The following TIAM1 variants were observed in gnomAD, a reference collection of about 807,000 sequenced individuals.
TIAM1 encodes the protein rho guanine nucleotide exchange factor TIAM1.
Under a neutral mutation model 163.5 loss-of-function variants are expected in TIAM1, and 65 were observed. The observed-to-expected ratio is 0.40, with a 90% confidence interval of 0.33 to 0.49. The LOEUF is 0.49. TIAM1 is among the 20% of genes least tolerant of loss of function. The probability of loss-of-function intolerance (pLI) is 0.77; values close to 1 mark genes in which losing one functional copy is unlikely to be tolerated. For synonymous variants in TIAM1, 833 were observed against 810.1 expected, an observed-to-expected ratio of 1.03 and a Z score of -0.48; for missense variants, 1,789 against 2,044.7, an observed-to-expected ratio of 0.87 and a Z score of 2.41.
intron 1 of TIAM1, among the ~76,000 whole-genome samples, chr21:31,513,431 T>A (rs1484088529): frequency 1.3e-5 from 2 of 152,168 alleles, no homozygotes; most frequent in Non-Finnish European, 2.9e-5. Flanking sequence ...TTAAGCGAAC[T>A]TCCTCTTGAG....
At chr21:31,218,474 C>T (rs2087341211) in intron 8 of TIAM1, among the ~76,000 whole-genome samples, 1 of 151,768 alleles carries the variant, frequency 6.6e-6, no homozygotes, top group African/African-American at 2.4e-5. Context: ...GAAGCTGAGA[C>T]AGGAGAATTG....
intron 2 of TIAM1, among the ~76,000 whole-genome samples, chr21:31,399,931 T>C (rs2077136455): frequency 6.6e-6 from 1 of 152,104 alleles, no homozygotes; most frequent in Non-Finnish European, 1.5e-5. Context: ...GACACTTTCA[T>C]TGATTTCTAA....
At chr21:31,289,522 C>T (rs947431053) in intron 2 of TIAM1, among the ~76,000 whole-genome samples, 24 of 152,124 alleles carry the variant, frequency 1.6e-4, no homozygotes, top group African/African-American at 5.8e-4. Flanking sequence ...TGAGCTGGAC[C>T]CCAGAAAAGT....
At chr21:31,222,707 ATTTTTTTTTTTTT>A (rs527864043) in intron 8 of TIAM1, among the ~76,000 whole-genome samples, 29 of 32,886 alleles carry the variant, frequency 8.8e-4, no homozygotes, top group African/African-American at 3.4e-3. Context: ...ATATATATAT[ATTTTTTTTTTTTT>A]TTTTTTTTTT....
chr21:31,494,543 G>A (rs182790478), intron 1 of TIAM1, among the ~76,000 whole-genome samples: 54 of 152,238 alleles, frequency 3.5e-4, no homozygotes, highest in Non-Finnish European at 5.6e-4. Flanking sequence ...AAAAGTCAGC[G>A]TAGAAGACTG....
chr21:31,266,104 G>A lies in TIAM1; in HGVS notation c.869C>T (p.Pro290Leu). 6.2e-7 allele frequency: 1 copy of A among 1,614,214 alleles called. No individual in the cohort carries two copies. The highest frequency in any genetic ancestry group is 8.5e-7 in the Non-Finnish European group (1 of 1,180,046). ...AGAGAGACAGTGAGATTTCCTACAG[G>A]GAAGTGTGTTATAATTACTGTACGG... ...TPPYSNYNTL[P>L]CRKSHCLSEG... Residue 290 changes from proline (P) to leucine (L), a missense_variant, in exon 4 of 28, where the codon CCC (proline) becomes CTC (leucine). Physicochemically the swap from Pro to Leu is moderately conservative, Grantham distance 98. Around this residue, in one of 5 missense-constraint regions of TIAM1, gnomAD observed 555 missense variants for 564.9 expected, o/e 0.98. Coordinates refer to ENST00000541036, the MANE Select transcript of TIAM1 (RefSeq NM_001353694.2).
At chr21:31,296,888 T>C (rs2300350) in intron 2 of TIAM1, among the ~76,000 whole-genome samples, 71,783 of 151,982 alleles carry the variant, frequency 0.47, 17,080 homozygotes, top group Middle Eastern at 0.64. Flanking sequence ...TGGTCTTGAT[T>C]TCCTGACCTC....
At chr21:31,193,807 G>A (rs2085690466) in intron 13 of TIAM1, among the ~76,000 whole-genome samples, 1 of 152,180 alleles carries the variant, frequency 6.6e-6, no homozygotes, top group African/African-American at 2.4e-5. Flanking sequence ...GTGTGAATCG[G>A]GAAAAGCTAG....
intron 20 of TIAM1, among the ~76,000 whole-genome samples, chr21:31,143,201 C>G (rs1270795554): frequency 3.3e-5 from 5 of 152,112 alleles, no homozygotes; most frequent in Non-Finnish European, 1.5e-5. Context: ...TATGATAAAC[C>G]AGTAAATGAA....
intron 2 of TIAM1, among the ~76,000 whole-genome samples, chr21:31,428,474 A>T (rs1181153019): frequency 6.6e-6 from 1 of 152,220 alleles, no homozygotes; most frequent in Non-Finnish European, 1.5e-5. Flanking sequence ...CGAGGTTCAA[A>T]GCCACTAATG....
intron 9 of TIAM1, 113 bp downstream of exon 9, chr21:31,217,440 C>A: frequency 7.0e-7 from 1 of 1,423,470 alleles, no homozygotes; most frequent in Non-Finnish European, 9.6e-7. Context: ...TTTGTGCCAA[C>A]TAGTTGATTT....
At chr21:31,427,872 C>T (rs1045853261) in intron 2 of TIAM1, among the ~76,000 whole-genome samples, 1 of 152,096 alleles carries the variant, frequency 6.6e-6, no homozygotes, top group African/African-American at 2.4e-5. Context: ...AAATTAAAAG[C>T]AGTCTTCTTG....
intron 6 of TIAM1, among the ~76,000 whole-genome samples, chr21:31,232,938 G>A (rs1022876752): frequency 1.3e-5 from 2 of 151,838 alleles, no homozygotes; most frequent in African/African-American, 4.9e-5. Flanking sequence ...AAGGGAATAA[G>A]CAAAGTTCTT....
chr21:31,219,252 G>A (rs2087410533), intron 8 of TIAM1, among the ~76,000 whole-genome samples: 1 of 151,990 alleles, frequency 6.6e-6, no homozygotes, highest in South Asian at 2.1e-4. Flanking sequence ...AAAGTCCCAG[G>A]AATTTAAGGG....
intron 1 of TIAM1, among the ~76,000 whole-genome samples, chr21:31,465,220 C>A (rs1462802830): frequency 6.6e-6 from 1 of 151,704 alleles, no homozygotes; most frequent in Non-Finnish European, 1.5e-5. Flanking sequence ...AAAAATTTTT[C>A]TTTTCAAAGC....
intron 6 of TIAM1, among the ~76,000 whole-genome samples, chr21:31,243,560 A>G (rs1463232097): frequency 6.6e-6 from 1 of 152,138 alleles, no homozygotes; most frequent in South Asian, 2.1e-4. Flanking sequence ...TACAGATCCA[A>G]AAGACACTAC....
chr21:31,120,177 G>A lies in TIAM1; in HGVS notation c.*191C>T, dbSNP rs1411735659. 8.7e-6 allele frequency: 5 copies of A among 573,938 alleles called. No homozygotes were observed. In the East Asian group the frequency reaches 1.1e-4, roughly 13 times the overall value. The allele number at this position is 573,938 out of a possible 1,614,324, so 35.6% of individuals were successfully genotyped here. A position where few individuals can be genotyped will look rare whatever the true frequency, so the allele number is the denominator to read the frequency against. On this transcript the variant is annotated 3_prime_UTR_variant, in exon 28 of 28. Coordinates refer to ENST00000541036, the MANE Select transcript of TIAM1 (RefSeq NM_001353694.2). This position sits in a 1 kb window ranked among gnomAD's most constrained non-coding sequence, Gnocchi z 4.2. Reference sequence around the variant, plus strand: ...AGGACTCAAGCTTATTTGGGATTCTGATCAATTCTTTCTGATGTTGTTGAA... The same window carrying A: ...AGGACTCAAGCTTATTTGGGATTCTAATCAATTCTTTCTGATGTTGTTGAA...
chr21:31,175,621 C>A (rs1044567666), intron 15 of TIAM1, among the ~76,000 whole-genome samples: 1 of 151,592 alleles, frequency 6.6e-6, no homozygotes, highest in Non-Finnish European at 1.5e-5. Context: ...TTTTTTGAGA[C>A]GGAGTCTCCC....
At chr21:31,459,016 T>C (rs2045223659) in intron 2 of TIAM1, among the ~76,000 whole-genome samples, 1 of 152,170 alleles carries the variant, frequency 6.6e-6, no homozygotes. Context: ...GCCAAATCCC[T>C]TGAGGCCTCC....
Sources: allele counts gnomAD v4.1 joint callset (sites outside exome capture counted in the v4.1 genomes callset), GRCh38; gene constraint gnomAD v4.1.1; regional missense constraint gnomAD v4.1.1; non-coding constraint Gnocchi (gnomAD v3.1); transcripts MANE v1.5; gene names NCBI Gene and HGNC (gene_info 2026-07-23, HGNC 2026-07-21).